Variants in CDKAL1 observed in about 807,000 individuals in gnomAD.
The protein encoded by CDKAL1 is threonylcarbamoyladenosine tRNA methylthiotransferase.
CDKAL1 carries 32 observed loss-of-function variants against 68.2 expected under a neutral mutation model. The ratio of observed to expected loss-of-function variants is 0.47; its 90% CI spans 0.35 to 0.63. The LOEUF (loss-of-function observed/expected upper bound fraction) is 0.63, where lower values mean the gene tolerates loss of function less well. Among genes scored for constraint, CDKAL1 ranks in the 30% least tolerant of loss-of-function variants. The pLI is 0.00. For missense variants in CDKAL1, 606 were observed against 696.7 expected (o/e 0.87, Z 1.47); for synonymous variants, 234 against 244.3 (o/e 0.96, Z 0.39).
At chr6:21,190,191 A>T (rs747991197) in intron 13 of CDKAL1, among the ~76,000 whole-genome samples, 4 of 152,192 alleles carry the variant, frequency 2.6e-5, no homozygotes, top group African/African-American at 4.8e-5. Context: ...TCCCAGAGTC[A>T]TACATTCAGA....
chr6:20,850,209 C>T (rs957173712), intron 9 of CDKAL1, among the ~76,000 whole-genome samples: 3 of 151,972 alleles, frequency 2.0e-5, no homozygotes, highest in African/African-American at 7.3e-5. Context: ...AATATGCCAC[C>T]AATAAATTGT....
chr6:20,803,426 A>G (rs927119389), intron 8 of CDKAL1, among the ~76,000 whole-genome samples: 1 of 152,198 alleles, frequency 6.6e-6, no homozygotes, highest in South Asian at 2.1e-4. Flanking sequence ...CGCCTTTTCC[A>G]TGTCAAGTGT....
chr6:20,714,012 T>C (rs1226436627), intron 5 of CDKAL1, among the ~76,000 whole-genome samples: 1 of 152,142 alleles, frequency 6.6e-6, no homozygotes, highest in East Asian at 1.9e-4. Context: ...AATGATTTCT[T>C]ATGACACTTT....
At chr6:20,578,279 A>G (rs1007643513) in intron 4 of CDKAL1, among the ~76,000 whole-genome samples, 2 of 152,108 alleles carry the variant, frequency 1.3e-5, no homozygotes, top group South Asian at 2.1e-4. Context: ...CACTACCCCA[A>G]ACAAGGTAGG....
intron 13 of CDKAL1, among the ~76,000 whole-genome samples, chr6:21,142,724 G>A (rs995692855): frequency 7.9e-5 from 12 of 152,194 alleles, no homozygotes; most frequent in African/African-American, 2.9e-4. Flanking sequence ...AGTACAAAAT[G>A]TAATACTGCA....
intron 5 of CDKAL1, among the ~76,000 whole-genome samples, chr6:20,691,565 G>A (rs1278651764): frequency 6.6e-6 from 1 of 152,006 alleles, no homozygotes; most frequent in Non-Finnish European, 1.5e-5. Context: ...CATGCTGGCT[G>A]TTTCATCTTG....
At chr6:20,677,258 A>G (rs1475648794) in intron 5 of CDKAL1, among the ~76,000 whole-genome samples, 1 of 151,444 alleles carries the variant, frequency 6.6e-6, no homozygotes. Context: ...ATTAGTAGAG[A>G]TGGGCTTTCA....
chr6:20,603,834 TG>T lies in CDKAL1; in HGVS notation c.287-45457del, dbSNP rs1766215832. Reference sequence around the variant, plus strand: ...CTTAGTCACCCAGGCTGGAGTGCAGTGGTGTGATACCGGCTCACTGCAACCT... The same window carrying T: ...CTTAGTCACCCAGGCTGGAGTGCAGTGTGTGATACCGGCTCACTGCAACCT... On this transcript the variant is annotated intron_variant, in intron 4 of 15. Transcript: ENST00000274695. Among the ~76,000 whole-genome samples, 7 of 132,906 alleles carry T rather than the reference TG, an allele frequency of 5.3e-5. No individual in the cohort carries two copies. The South Asian group carries it at 1.5e-3, about 28-fold the overall frequency. The allele number at this position is 132,906 out of a possible 152,430, so 87.2% of individuals were successfully genotyped here.
intron 13 of CDKAL1, among the ~76,000 whole-genome samples, chr6:21,155,923 C>G (rs1562077965): frequency 6.6e-6 from 1 of 152,020 alleles, no homozygotes; most frequent in African/African-American, 2.4e-5. Context: ...AAAGAACAAC[C>G]TAAATATCCC....
chr6:21,078,502 T>A (rs1772200715), intron 12 of CDKAL1, among the ~76,000 whole-genome samples: 1 of 152,196 alleles, frequency 6.6e-6, no homozygotes, highest in African/African-American at 2.4e-5. Flanking sequence ...ACTGTTATTA[T>A]TGTCATTCTG....
chr6:20,713,144 G>A (rs1186292794), intron 5 of CDKAL1, among the ~76,000 whole-genome samples: 1 of 152,138 alleles, frequency 6.6e-6, no homozygotes, highest in Non-Finnish European at 1.5e-5. Flanking sequence ...ACAGGTAAGA[G>A]ACTTTACCCT....
chr6:20,672,673 T>A (rs971081530), intron 5 of CDKAL1, among the ~76,000 whole-genome samples: 2 of 151,776 alleles, frequency 1.3e-5, no homozygotes, highest in Non-Finnish European at 2.9e-5. Context: ...CTTTTTAAAG[T>A]GTTTTTCTGA....
intron 6 of CDKAL1, among the ~76,000 whole-genome samples, chr6:20,758,346 C>T (rs1774317321): frequency 6.6e-6 from 1 of 152,048 alleles, no homozygotes; most frequent in African/African-American, 2.4e-5. Flanking sequence ...AAAACAACTC[C>T]AGGCAGTTTA....
intron 13 of CDKAL1, among the ~76,000 whole-genome samples, chr6:21,136,160 T>C (rs1468375138): frequency 2.6e-5 from 4 of 152,234 alleles, no homozygotes; most frequent in Non-Finnish European, 5.9e-5. Context: ...TTACTTAGAC[T>C]TCAAGTGAAG....
intron 2 of CDKAL1, among the ~76,000 whole-genome samples, chr6:20,544,965 T>TGTG (rs1763537881): frequency 3.3e-5 from 5 of 149,470 alleles, no homozygotes; most frequent in African/African-American, 1.2e-4. Context: ...GATTACAGTT[T>TGTG]TGTGTGTGTG....
intron 5 of CDKAL1, among the ~76,000 whole-genome samples, chr6:20,671,502 T>G (rs1238145830): frequency 6.6e-6 from 1 of 152,220 alleles, no homozygotes; most frequent in Non-Finnish European, 1.5e-5. Context: ...TTTTGGATTT[T>G]GAGTCATGGC....
At chr6:20,697,484 AACTT>A (rs1403326076) in intron 5 of CDKAL1, among the ~76,000 whole-genome samples, 4 of 152,160 alleles carry the variant, frequency 2.6e-5, no homozygotes, top group Admixed American at 1.3e-4. Flanking sequence ...TTTAAGCAAA[AACTT>A]AATTAAGAAA....
chr6:20,622,906 A>G (rs977270106), intron 4 of CDKAL1, among the ~76,000 whole-genome samples: 2 of 151,992 alleles, frequency 1.3e-5, no homozygotes, highest in Non-Finnish European at 2.9e-5. Flanking sequence ...TATCATTTGC[A>G]TTAGAAACTG....
At chr6:20,838,053 T>G (rs7769209) in intron 8 of CDKAL1, among the ~76,000 whole-genome samples, 1 of 151,806 alleles carries the variant, frequency 6.6e-6, no homozygotes, top group Non-Finnish European at 1.5e-5. Flanking sequence ...TACTTTTATA[T>G]ATGTATACAT....
Sources: gnomAD v4.1 joint callset for allele counts (sites outside exome capture counted in the v4.1 genomes callset) on GRCh38, gnomAD v4.1.1 for gene constraint, MANE v1.5 for transcripts, NCBI Gene and HGNC (gene_info 2026-07-23, HGNC 2026-07-21) for gene names.